Variants in PLD5 observed in about 807,000 individuals in gnomAD.
The protein encoded by PLD5 is phospholipase D family member 5.
In PLD5, 36 loss-of-function variants were observed where a neutral mutation model predicts 61.1. The observed-to-expected ratio is 0.59, with a 90% CI of 0.45 to 0.78. The LOEUF (loss-of-function observed/expected upper bound fraction) is 0.78, where lower values mean the gene tolerates loss of function less well. Ranked by LOEUF, PLD5 falls within the 30% of genes least tolerant of loss-of-function variation. The pLI, the probability that PLD5 is intolerant of heterozygous loss-of-function variation, is 0.00. For synonymous variants in PLD5, 243 were observed against 242.8 expected, an observed-to-expected ratio of 1.00 and a Z score of -0.01; for missense variants, 515 against 644.4, an observed-to-expected ratio of 0.80 and a Z score of 2.17.
At chr1:242,514,794 G>C (rs562729455) in intron 1 of PLD5, among the ~76,000 whole-genome samples, 6 of 152,154 alleles carry the variant, frequency 3.9e-5, no homozygotes, top group African/African-American at 1.4e-4. Flanking sequence ...ATGGGGAGGT[G>C]AGGAGAGGGA....
At chr1:242,140,946 A>T (rs1241972685) in intron 5 of PLD5, among the ~76,000 whole-genome samples, 1 of 152,126 alleles carries the variant, frequency 6.6e-6, no homozygotes, top group Non-Finnish European at 1.5e-5. Flanking sequence ...GTATTTAATG[A>T]TCCACCAGAA....
intron 1 of PLD5, among the ~76,000 whole-genome samples, chr1:242,476,569 T>G (rs1257342684): frequency 1.3e-5 from 2 of 152,120 alleles, no homozygotes; most frequent in African/African-American, 4.8e-5. Context: ...TTACAAGAGA[T>G]CATTACATCC....
In PLD5 at chr1:242,456,375, C is replaced by G. The variant is rs192776208; in HGVS notation, c.189+67713G>C. On this transcript the variant is annotated intron_variant, in intron 1 of 9. Coordinates refer to ENST00000536534, the MANE Select transcript of PLD5 (RefSeq NM_001372062.1). ...TCACACTAGCCACATCTCGAATGCT[C>G]AAGAGTCCCATGTGGCTGGTGGCGA... is the stretch of plus-strand genomic sequence containing the variant. 2.3e-3 allele frequency among the ~76,000 whole-genome samples: 344 copies of G among 152,202 alleles called. 10 individuals carry two copies. Among genetic ancestry groups the G allele is most frequent in the Admixed American group, 0.021 (315 of 15,288 alleles).
At chr1:242,210,150 T>G (rs1333143973) in intron 5 of PLD5, among the ~76,000 whole-genome samples, 2 of 152,152 alleles carry the variant, frequency 1.3e-5, no homozygotes, top group African/African-American at 4.8e-5. Context: ...GAGAAAGGCA[T>G]GTAGAAAGCC....
At chr1:242,401,484 G>A (rs1458479521) in intron 1 of PLD5, among the ~76,000 whole-genome samples, 2 of 152,104 alleles carry the variant, frequency 1.3e-5, no homozygotes, top group Non-Finnish European at 1.5e-5. Flanking sequence ...CCTGTGGCCT[G>A]TGAGGGCCGC....
At chr1:242,204,639 C>T (rs1025776492) in intron 5 of PLD5, among the ~76,000 whole-genome samples, 2 of 152,196 alleles carry the variant, frequency 1.3e-5, no homozygotes, top group East Asian at 3.8e-4. Flanking sequence ...CTATAATTTA[C>T]TGAGCAGTAA....
chr1:242,257,245 G>A (rs1673120608), intron 4 of PLD5, among the ~76,000 whole-genome samples: 1 of 152,218 alleles, frequency 6.6e-6, no homozygotes, highest in Non-Finnish European at 1.5e-5. Flanking sequence ...GTAAAAAAAA[G>A]TTTTGTTATC....
At chr1:242,349,236 G>A (rs375295512) in intron 1 of PLD5, among the ~76,000 whole-genome samples, 2 of 152,128 alleles carry the variant, frequency 1.3e-5, no homozygotes, top group East Asian at 1.9e-4. Context: ...TTACTATAAG[G>A]GGTTGTAGAG....
At chr1:242,111,337 G>A (rs1472089632) in intron 7 of PLD5, among the ~76,000 whole-genome samples, 4 of 152,120 alleles carry the variant, frequency 2.6e-5, no homozygotes, top group Admixed American at 1.3e-4. Flanking sequence ...GATTACAGAC[G>A]TGAGCCACCG....
At chr1:242,508,287 C>A (rs539384718) in intron 1 of PLD5, among the ~76,000 whole-genome samples, 1 of 151,810 alleles carries the variant, frequency 6.6e-6, no homozygotes, top group East Asian at 1.9e-4. Context: ...GCAGGAGAAT[C>A]GCTTGAACTC....
intron 1 of PLD5, among the ~76,000 whole-genome samples, chr1:242,369,276 A>T (rs1347003158): frequency 2.6e-5 from 4 of 152,224 alleles, no homozygotes; most frequent in Non-Finnish European, 5.9e-5. Context: ...GGAAATAGGC[A>T]TTGGGTTAAA....
At chr1:242,403,653 A>G (rs1034434736) in intron 1 of PLD5, among the ~76,000 whole-genome samples, 1 of 151,532 alleles carries the variant, frequency 6.6e-6, no homozygotes, top group African/African-American at 2.4e-5. Flanking sequence ...TTTTTTTTAG[A>G]GACAGAGTTT....
chr1:242,316,607 ATTAT>A (rs1658004186), intron 2 of PLD5, among the ~76,000 whole-genome samples: 1 of 152,306 alleles, frequency 6.6e-6, no homozygotes, highest in Non-Finnish European at 1.5e-5. Flanking sequence ...ATAATTTTAG[ATTAT>A]TTAACATTTA....
intron 4 of PLD5, among the ~76,000 whole-genome samples, chr1:242,234,448 GT>G (rs1359838238): frequency 6.6e-6 from 1 of 152,130 alleles, no homozygotes; most frequent in Non-Finnish European, 1.5e-5. Flanking sequence ...AAAGAAATGG[GT>G]AAGAGTTAAA....
intron 3 of PLD5, among the ~76,000 whole-genome samples, chr1:242,278,137 A>G (rs1160869330): frequency 1.3e-5 from 2 of 152,170 alleles, no homozygotes; most frequent in African/African-American, 4.8e-5. Flanking sequence ...TAGTTTCCAA[A>G]TTTTTGATCG....
intron 2 of PLD5, among the ~76,000 whole-genome samples, chr1:242,301,082 G>A (rs1285880484): frequency 6.6e-6 from 1 of 152,110 alleles, no homozygotes; most frequent in Non-Finnish European, 1.5e-5. Context: ...AGAGTTATCA[G>A]CTTGGTCCCT....
intron 3 of PLD5, among the ~76,000 whole-genome samples, chr1:242,283,079 G>A (rs1174840487): frequency 6.6e-6 from 1 of 152,160 alleles, no homozygotes; most frequent in Non-Finnish European, 1.5e-5. Flanking sequence ...ACCTTTTGGA[G>A]GTACAGATTA....
At chr1:242,390,466 T>A (rs537240069) in intron 1 of PLD5, among the ~76,000 whole-genome samples, 12 of 152,298 alleles carry the variant, frequency 7.9e-5, no homozygotes, top group African/African-American at 2.9e-4. Context: ...TTTATTCTGG[T>A]GGCAAATAAA....
At chr1:242,254,694 C>T (rs1672920106) in intron 4 of PLD5, among the ~76,000 whole-genome samples, 1 of 152,152 alleles carries the variant, frequency 6.6e-6, no homozygotes, top group African/African-American at 2.4e-5. Flanking sequence ...ACCACCACCA[C>T]CACTGAGGCT....
Sources: gnomAD v4.1 joint callset for allele counts (sites outside exome capture counted in the v4.1 genomes callset) on GRCh38, gnomAD v4.1.1 for gene constraint, MANE v1.5 for transcripts, NCBI Gene and HGNC (gene_info 2026-07-23, HGNC 2026-07-21) for gene names.